The following CLEC4A variants were observed in gnomAD, a reference collection of about 807,000 sequenced individuals.
CLEC4A encodes the protein C-type (calcium dependent, carbohydrate-recognition domain) lectin, superfamily member 6.
In CLEC4A, 27 loss-of-function variants were observed where a neutral mutation model predicts 32.7. The observed-to-expected ratio is 0.83, with a 90% CI of 0.61 to 1.14. The LOEUF is 1.14. Among genes scored for constraint, CLEC4A ranks in the 50% most tolerant of loss-of-function variants. The pLI is 0.00. For synonymous variants in CLEC4A, 89 were observed against 93.7 expected (o/e 0.95, Z 0.29); for missense variants, 253 against 274.6 (o/e 0.92, Z 0.55).
intron 4 of CLEC4A, among the ~76,000 whole-genome samples, chr12:8,136,207 A>G (rs1227061443): frequency 6.6e-6 from 1 of 152,216 alleles, no homozygotes; most frequent in African/African-American, 2.4e-5. Flanking sequence ...GAAGAATGTA[A>G]TCCCTTAGTG....
chr12:8,114,294 G>A, the CLEC4A span, among the ~76,000 whole-genome samples: 1 of 151,996 alleles, frequency 6.6e-6, no homozygotes, highest in Non-Finnish European at 1.5e-5. Flanking sequence ...GCCCAGGCTG[G>A]AGTGCAGTGG....
At chr12:8,107,313 C>T in the CLEC4A span, among the ~76,000 whole-genome samples, 1 of 152,156 alleles carries the variant, frequency 6.6e-6, no homozygotes, top group African/African-American at 2.4e-5. Context: ...CTATGCTCAT[C>T]AAGGATATTG....
At chr12:8,134,356 C>T (rs748558889) in intron 3 of CLEC4A, 13 of 1,612,184 alleles carry the variant, frequency 8.1e-6, no homozygotes, top group South Asian at 5.5e-5. Context: ...TGAGCCACAT[C>T]GGCCTGTGTA....
chr12:8,113,852 G>A, the CLEC4A span, among the ~76,000 whole-genome samples: 1 of 152,206 alleles, frequency 6.6e-6, no homozygotes, highest in African/African-American at 2.4e-5. Context: ...GAGGAGCTGT[G>A]TAGAATGCAC....
At chr12:8,133,788 G>A in intron 3 of CLEC4A, 1 of 1,582,546 alleles carries the variant, frequency 6.3e-7, no homozygotes, top group Admixed American at 1.8e-5. Flanking sequence ...GAATGCATGG[G>A]AGAGCCCAGA....
intron 2 of CLEC4A, among the ~76,000 whole-genome samples, chr12:8,128,212 A>G (rs1267041085): frequency 6.6e-6 from 1 of 152,152 alleles, no homozygotes; most frequent in African/African-American, 2.4e-5. Flanking sequence ...AACAAAGAGT[A>G]GTGTCCCAAG....
chr12:8,124,221 G>C (rs1316657908), intron 1 of CLEC4A, among the ~76,000 whole-genome samples: 1 of 152,200 alleles, frequency 6.6e-6, no homozygotes, highest in East Asian at 1.9e-4. Context: ...ATCCACTCCA[G>C]TTCTGAGCTA....
chr12:8,104,573 T>C, the CLEC4A span, among the ~76,000 whole-genome samples: 4 of 152,218 alleles, frequency 2.6e-5, no homozygotes, highest in African/African-American at 7.2e-5. Flanking sequence ...TTTTCTTTCT[T>C]TTTTTAAAAA....
intron 3 of CLEC4A, chr12:8,134,798 T>A: frequency 1.9e-6 from 3 of 1,551,078 alleles, no homozygotes; most frequent in Non-Finnish European, 2.6e-6. Flanking sequence ...GCCCATCACC[T>A]CCACCGCCTG....
At chr12:8,126,723 G>A (rs1018957497) in intron 2 of CLEC4A, among the ~76,000 whole-genome samples, 2 of 152,148 alleles carry the variant, frequency 1.3e-5, no homozygotes, top group Admixed American at 1.3e-4. Flanking sequence ...TATGGTAAGT[G>A]TTGTACAGTT....
chr12:8,134,236 C>T (rs1948050990), intron 3 of CLEC4A: 22 of 1,612,344 alleles, frequency 1.4e-5, no homozygotes, highest in Non-Finnish European at 1.9e-5. Flanking sequence ...CCTCCACCCA[C>T]TTCTGCAGCA....
chr12:8,115,124 G>A, the CLEC4A span, among the ~76,000 whole-genome samples: 1 of 152,190 alleles, frequency 6.6e-6, no homozygotes, highest in African/African-American at 2.4e-5. Flanking sequence ...TGGACCACCT[G>A]AACAGCCTTT....
intron 2 of CLEC4A, among the ~76,000 whole-genome samples, chr12:8,125,929 G>T (rs758334535): frequency 6.6e-6 from 1 of 152,274 alleles, no homozygotes; most frequent in Non-Finnish European, 1.5e-5. Context: ...TATTTGTGTT[G>T]TAGAGTGAAA....
the CLEC4A span, among the ~76,000 whole-genome samples, chr12:8,111,067 G>T: frequency 3.0e-4 from 46 of 151,280 alleles, no homozygotes; most frequent in African/African-American, 1.1e-3. Context: ...TATAGATGGG[G>T]TTTCACTGTG....
In CLEC4A at chr12:8,134,979, G is replaced by GTTTGTTTT. The variant is rs1948073595; in HGVS notation, c.299-603_299-602insGTTTTTTT. On this transcript the variant is annotated intron_variant, in intron 3 of 5. Coordinates refer to ENST00000229332, the MANE Select transcript of CLEC4A (RefSeq NM_016184.4). ...TGTATCTTCTTGTTGAAGCGTTTTT[G>GTTTGTTTT]TTTTTTGTTTTTTTTTAATCATGGC... 340 of 165,644 alleles carry GTTTGTTTT rather than the reference G, an allele frequency of 2.1e-3. 15 individuals are homozygous for GTTTGTTTT. The highest frequency in any genetic ancestry group is 7.9e-3 in the Admixed American group (31 of 3,934). 10.3% of individuals were successfully genotyped at this position (165,644 alleles called of 1,614,324 possible).
intron 3 of CLEC4A, chr12:8,134,148 T>C: frequency 1.9e-6 from 3 of 1,606,974 alleles, no homozygotes; most frequent in African/African-American, 1.3e-5. Flanking sequence ...TTCTCGATAC[T>C]GGTTCGCTTT....
intron 3 of CLEC4A, among the ~76,000 whole-genome samples, chr12:8,130,565 TA>T (rs1947980133): frequency 6.6e-6 from 1 of 152,024 alleles, no homozygotes; most frequent in Non-Finnish European, 1.5e-5. Flanking sequence ...TGAATTTTTG[TA>T]GAGAGAAGGT....
At chr12:8,122,193 G>T (rs1482682853), upstream of CLEC4A, among the ~76,000 whole-genome samples, 1 of 151,702 alleles carries the variant, frequency 6.6e-6, no homozygotes, top group Non-Finnish European at 1.5e-5. Flanking sequence ...AGGACTTGGT[G>T]TGGGTTTCAG....
At chr12:8,110,779 G>A in the CLEC4A span, among the ~76,000 whole-genome samples, 4 of 152,136 alleles carry the variant, frequency 2.6e-5, no homozygotes, top group African/African-American at 9.7e-5. Context: ...AAAGTATATG[G>A]AACAGTGTGA....
Sources: gnomAD v4.1 joint callset for allele counts (sites outside exome capture counted in the v4.1 genomes callset) on GRCh38, gnomAD v4.1.1 for gene constraint, MANE v1.5 for transcripts, NCBI Gene and HGNC (gene_info 2026-07-23, HGNC 2026-07-21) for gene names.